MCPH1: variants seen among roughly 807,000 people sequenced by gnomAD.
MCPH1 encodes microcephalin 1, also known as microcephalin.
MCPH1 carries 104 observed loss-of-function variants against 84.5 expected under a neutral mutation model. The ratio of observed to expected loss-of-function variants is 1.23; its 90% CI spans 1.05 to 1.45. The LOEUF (loss-of-function observed/expected upper bound fraction) is 1.45. MCPH1 is among the 40% of genes most tolerant of loss of function. MCPH1 has a pLI of 0.00. For missense variants in MCPH1, 1,498 were observed against 1,005.7 expected (o/e 1.49, Z -6.62); for synonymous variants, 514 against 366.8 (o/e 1.40, Z -4.58).
At chr8:6,562,546 C>A in intron 12 of MCPH1, 2 of 133,906 alleles carry the variant, frequency 1.5e-5, no homozygotes, top group Non-Finnish European at 2.6e-5. Context: ...CCTCTTCATC[C>A]TCCTTCTTTT....
At chr8:6,474,517 G>C (rs1193576463) in intron 9 of MCPH1, among the ~76,000 whole-genome samples, 1 of 152,062 alleles carries the variant, frequency 6.6e-6, no homozygotes, top group African/African-American at 2.4e-5. Flanking sequence ...GCAAGACCCT[G>C]TCTCTCAAAA....
chr8:6,439,117 A>C lies in MCPH1; in HGVS notation c.580+21A>C, dbSNP rs76484162. 356 of 1,608,064 alleles carry C rather than the reference A, an allele frequency of 2.2e-4. 3 individuals carry two copies. The East Asian group carries it at 7.0e-3, about 32-fold the overall frequency. The stretch of plus-strand genomic sequence containing the variant: ...CACCTGTAAGTAATTAGTTTGTAAA[A>C]TGAAAATTATGCAAATAGCCGATTC... On this transcript the variant is annotated intron_variant, in intron 6 of 13. Coordinates refer to ENST00000344683, the MANE Select transcript of MCPH1 (RefSeq NM_024596.5).
intron 2 of MCPH1, among the ~76,000 whole-genome samples, chr8:6,412,695 C>T (rs1798708507): frequency 6.6e-6 from 1 of 152,072 alleles, no homozygotes; most frequent in African/African-American, 2.4e-5. Flanking sequence ...TTGATAAAAG[C>T]CTTGTGGGAA....
At chr8:6,536,952 A>G (rs944064768) in intron 12 of MCPH1, among the ~76,000 whole-genome samples, 1 of 151,020 alleles carries the variant, frequency 6.6e-6, no homozygotes, top group African/African-American at 2.4e-5. Flanking sequence ...CATTCTAAGT[A>G]TAAGGAAGTC....
At chr8:6,491,669 C>G (rs1178452581) in intron 11 of MCPH1, among the ~76,000 whole-genome samples, 3 of 151,602 alleles carry the variant, frequency 2.0e-5, no homozygotes, top group Non-Finnish European at 1.5e-5. Flanking sequence ...TGTTCCCCTT[C>G]CTGTGTCCAT....
chr8:6,429,193 C>T (rs1341584405), intron 3 of MCPH1, among the ~76,000 whole-genome samples: 2 of 152,152 alleles, frequency 1.3e-5, no homozygotes, highest in African/African-American at 2.4e-5. Context: ...CAGAGTGAAC[C>T]ATGAATATAT....
chr8:6,489,288 G>C (rs1283721855), intron 11 of MCPH1, among the ~76,000 whole-genome samples: 1 of 151,992 alleles, frequency 6.6e-6, no homozygotes. Flanking sequence ...TCTCTGGGCT[G>C]TGCCCCTATG....
At chr8:6,408,753 G>A (rs755173831) in intron 1 of MCPH1, among the ~76,000 whole-genome samples, 1 of 151,992 alleles carries the variant, frequency 6.6e-6, no homozygotes, top group Non-Finnish European at 1.5e-5. Context: ...TTTAGAGACA[G>A]GGTTTCACTA....
At chr8:6,438,809 G>C (rs1271949019) in intron 5 of MCPH1, 144 bp from the exon 6 acceptor site, 2 of 697,492 alleles carry the variant, frequency 2.9e-6, no homozygotes, top group African/African-American at 1.8e-5. Context: ...AGGTGGTGGA[G>C]GTAGAATATT....
chr8:6,586,497 T>A (rs1186865399), intron 12 of MCPH1, among the ~76,000 whole-genome samples: 1 of 152,216 alleles, frequency 6.6e-6, no homozygotes, highest in Non-Finnish European at 1.5e-5. Flanking sequence ...CTCCATGCAG[T>A]GCGTGTCTTT....
At chr8:6,457,877 A>AC (rs573822380) in intron 9 of MCPH1, among the ~76,000 whole-genome samples, 1 of 152,118 alleles carries the variant, frequency 6.6e-6, no homozygotes, top group South Asian at 2.1e-4. Context: ...CTAATGCCCT[A>AC]GGGTAGTGCT....
At chr8:6,598,689 A>G (rs2922850) in intron 12 of MCPH1, among the ~76,000 whole-genome samples, 6,629 of 152,302 alleles carry the variant, frequency 0.044, 752 homozygotes, top group East Asian at 0.43. Context: ...GCTTCACGAC[A>G]GGCGTGAGAA....
chr8:6,413,077 C>T (rs147245595), intron 2 of MCPH1, among the ~76,000 whole-genome samples: 3 of 152,276 alleles, frequency 2.0e-5, no homozygotes, highest in East Asian at 3.9e-4. Context: ...AGTTCTGCTT[C>T]TGGAAAGGAT....
intron 8 of MCPH1, among the ~76,000 whole-genome samples, chr8:6,448,635 G>T (rs942688570): frequency 1.1e-4 from 16 of 152,290 alleles, no homozygotes; most frequent in Middle Eastern, 3.4e-3. Flanking sequence ...TCTTGTGTGT[G>T]TGTCTACAAG....
chr8:6,566,887 G>C (rs1247825873), intron 12 of MCPH1, among the ~76,000 whole-genome samples: 1 of 150,740 alleles, frequency 6.6e-6, no homozygotes, highest in Non-Finnish European at 1.5e-5. Context: ...AGTACACGCG[G>C]TGCGGTGACC....
rs771555365 is a variant in MCPH1, at chr8:6,414,858, C to G, written c.208C>G (p.Leu70Val). Residue 70 changes from leucine to valine, a missense_variant, in exon 3 of 14, where the codon CTC becomes GTC. Transcript: ENST00000344683. ...CAAAGCTCAGAAGAGAGGCGTAAAG[C>G]TCGTTTCGGTGCTCTGGGTGGAAAA... is the stretch of plus-strand genomic sequence containing the variant. ...WDKAQKRGVKLVSVLWVEKCR... is the reference protein window; with the variant it reads ...WDKAQKRGVKVVSVLWVEKCR... The G allele has an allele frequency of 1.9e-6, 3 of 1,613,620 alleles. No homozygotes were observed. The highest frequency in any genetic ancestry group is 2.5e-6 in the Non-Finnish European group (3 of 1,179,876).
At chr8:6,580,318 T>A (rs1182696407) in intron 12 of MCPH1, among the ~76,000 whole-genome samples, 1 of 151,872 alleles carries the variant, frequency 6.6e-6, no homozygotes, top group African/African-American at 2.4e-5. Flanking sequence ...TGCTCACAAT[T>A]CCCTGATACA....
At chr8:6,631,189 C>G (rs2912064) in intron 13 of MCPH1, among the ~76,000 whole-genome samples, 1 of 152,026 alleles carries the variant, frequency 6.6e-6, no homozygotes. Context: ...CAGACATGAT[C>G]TGTTCTAGTC....
intron 12 of MCPH1, among the ~76,000 whole-genome samples, chr8:6,600,863 A>T (rs1163013775): frequency 6.6e-6 from 1 of 152,166 alleles, no homozygotes. Context: ...TTGAGGAGAC[A>T]TTGCCTAGAA....
Sources: gnomAD v4.1 joint callset for allele counts (sites outside exome capture counted in the v4.1 genomes callset) on GRCh38, gnomAD v4.1.1 for gene constraint, MANE v1.5 for transcripts, NCBI Gene and HGNC (gene_info 2026-07-23, HGNC 2026-07-21) for gene names.